The following ANXA2 variants were observed in gnomAD, a reference collection of about 807,000 sequenced individuals.
ANXA2 encodes annexin II.
Under a neutral mutation model 47.3 loss-of-function variants are expected in ANXA2, and 28 were observed. The ratio of observed to expected loss-of-function variants is 0.59; its 90% CI spans 0.44 to 0.81. ANXA2 has a LOEUF of 0.81. ANXA2 is among the 40% of genes least tolerant of loss of function. The probability of loss-of-function intolerance (pLI) is 0.00; values close to 1 mark genes in which losing one functional copy is unlikely to be tolerated. For missense variants in ANXA2, 384 were observed against 414.3 expected, an observed-to-expected ratio of 0.93 and a Z score of 0.64; for synonymous variants, 172 against 155.5, an observed-to-expected ratio of 1.11 and a Z score of -0.79.
intron 3 of ANXA2, among the ~76,000 whole-genome samples, chr15:60,372,646 A>G (rs113958101): frequency 1.6e-3 from 239 of 148,212 alleles, no homozygotes; most frequent in African/African-American, 5.7e-3. Context: ...TGGCTTCACT[A>G]CCCTATAGGA....
intron 1 of ANXA2, chr15:60,390,205 A>T (rs941041965): frequency 3.1e-5 from 29 of 921,310 alleles, no homozygotes; most frequent in Non-Finnish European, 3.7e-5. Context: ...CCACAAAGTC[A>T]CACTTACCAC....
intron 3 of ANXA2, among the ~76,000 whole-genome samples, chr15:60,377,744 C>T (rs938144306): frequency 6.6e-6 from 1 of 152,118 alleles, no homozygotes; most frequent in African/African-American, 2.4e-5. Context: ...CATGAAGTGA[C>T]GTACGTCTGT....
At chr15:60,361,149 T>G in intron 4 of ANXA2, 95 bp from the exon 5 acceptor site, 1 of 854,418 alleles carries the variant, frequency 1.2e-6, no homozygotes, top group East Asian at 2.6e-5. Flanking sequence ...GTGAAGCAGG[T>G]TGTGAGTCTT....
intron 4 of ANXA2, chr15:60,361,541 A>G (rs2062514124): frequency 6.2e-6 from 1 of 161,398 alleles, no homozygotes; most frequent in African/African-American, 2.4e-5. Flanking sequence ...AGTCACCAGA[A>G]GGAACCAGAG....
At chr15:60,376,412 T>C (rs1188152291) in intron 3 of ANXA2, among the ~76,000 whole-genome samples, 8 of 149,446 alleles carry the variant, frequency 5.4e-5, no homozygotes, top group Non-Finnish European at 8.9e-5. Flanking sequence ...CGACGACAGA[T>C]GCCATAACAG....
chr15:60,358,401 C>A (rs1247002468), intron 5 of ANXA2, among the ~76,000 whole-genome samples: 1 of 152,180 alleles, frequency 6.6e-6, no homozygotes, highest in Non-Finnish European at 1.5e-5. Context: ...GAATATGGAA[C>A]TATCACTTTG....
chr15:60,361,294 G>A (rs192174836), intron 4 of ANXA2, among the ~76,000 whole-genome samples: 83 of 152,222 alleles, frequency 5.5e-4, no homozygotes, highest in African/African-American at 2.0e-3. Context: ...CGTCTTCCCC[G>A]GTCAATAAAA....
intron 1 of ANXA2, among the ~76,000 whole-genome samples, chr15:60,388,647 C>G (rs770177043): frequency 5.3e-5 from 8 of 150,090 alleles, no homozygotes; most frequent in Non-Finnish European, 1.2e-4. Context: ...GTTGCCCAGG[C>G]TGGTCTTGAA....
chr15:60,351,934 A>C (rs150507000), intron 9 of ANXA2, 115 bp from the exon 10 acceptor site: 1 of 744,748 alleles, frequency 1.3e-6, no homozygotes, highest in East Asian at 2.6e-5. Flanking sequence ...TGATCACAGC[A>C]TCCTAGGAGC....
chr15:60,365,857 C>CCTCCCG (rs2062588893), intron 3 of ANXA2, among the ~76,000 whole-genome samples: 3 of 128,766 alleles, frequency 2.3e-5, no homozygotes, highest in African/African-American at 6.1e-5. Context: ...TCCCCCTCCC[C>CCTCCCG]CTCCCCCTCC....
intron 5 of ANXA2, among the ~76,000 whole-genome samples, chr15:60,358,976 C>T (rs539315587): frequency 3.9e-5 from 6 of 152,244 alleles, no homozygotes; most frequent in African/African-American, 7.2e-5. Context: ...TTCCAAAGCC[C>T]GGCCCAAACT....
At chr15:60,366,405 A>ATCACATCTAGGAAGTGAGGAGCG (rs2062604016) in intron 3 of ANXA2, among the ~76,000 whole-genome samples, 1 of 147,620 alleles carries the variant, frequency 6.8e-6, no homozygotes, top group Non-Finnish European at 1.5e-5. Flanking sequence ...AGTGAGGAGC[A>ATCACATCTAGGAAGTGAGGAGCG]TCTCTGCGCG....
At chr15:60,362,613 T>G (rs2062532423) in intron 4 of ANXA2, 1 of 152,176 alleles carries the variant, frequency 6.6e-6, no homozygotes, top group African/African-American at 2.4e-5. Flanking sequence ...GCACAAATCT[T>G]CCTTATTTCA....
chr15:60,360,982 G>T lies in ANXA2; in HGVS notation c.316C>A (p.Pro106Thr). The part of the protein sequence containing the change: ...ETVILGLLKT[P>T]AQYDASELKA... The stretch of plus-strand genomic sequence containing the variant: ...AGCTCAGAAGCGTCATACTGAGCAG[G>T]TGTCTTCAATAGGCCCAAAATCACC... The change falls in exon 5 of 13, where the codon CCT (proline) becomes ACT (threonine). Residue 106 changes from proline to threonine, a missense_variant. Pro to Thr is a conservative substitution (Grantham distance 38). Coordinates refer to ENST00000451270, the MANE Select transcript of ANXA2 (RefSeq NM_004039.3). 6.8e-6 allele frequency: 11 copies of T among 1,613,614 alleles called. No homozygotes were observed. The highest frequency in any genetic ancestry group is 1.1e-5 in the South Asian group (1 of 91,064).
chr15:60,358,236 A>G (rs906940339), intron 5 of ANXA2, among the ~76,000 whole-genome samples: 3 of 152,266 alleles, frequency 2.0e-5, no homozygotes, highest in Non-Finnish European at 2.9e-5. Flanking sequence ...TTATTAAGGA[A>G]TAAGAATTTG....
chr15:60,349,311 C>T, intron 11 of ANXA2, 114 bp from the exon 12 acceptor site: 1 of 1,262,406 alleles, frequency 7.9e-7, no homozygotes, highest in Non-Finnish European at 1.1e-6. Flanking sequence ...GCTCCAAAAT[C>T]CAAAACTTTT....
rs745819689 is a variant in ANXA2, at chr15:60,352,504, T to C, written c.589-28A>G. The C allele has an allele frequency of 6.7e-7, 1 of 1,503,632 alleles. No homozygotes were observed. Among genetic ancestry groups the C allele is most frequent in the South Asian group, 1.1e-5 (1 of 87,388 alleles). 93.1% of individuals were successfully genotyped at this position (1,503,632 alleles called of 1,614,324 possible). ...ACGAGTACAACCAACCAGGAAAAGT[T>C]AACTACACATCCAATGTAACGTCAA... On this transcript the variant is annotated intron_variant, in intron 8 of 12. Coordinates refer to ENST00000451270, the MANE Select transcript of ANXA2 (RefSeq NM_004039.3). The surrounding 1 kb of genome is among the most constrained non-coding windows in gnomAD (Gnocchi z 4.2).
intron 3 of ANXA2, among the ~76,000 whole-genome samples, chr15:60,379,453 T>G (rs1173856790): frequency 6.6e-6 from 1 of 151,752 alleles, no homozygotes; most frequent in South Asian, 2.1e-4. Flanking sequence ...TATCTGAAAA[T>G]AATTCAAGGC....
At chr15:60,390,688 A>C (rs1446197818) in intron 1 of ANXA2, 1 of 224,348 alleles carries the variant, frequency 4.5e-6, no homozygotes, top group East Asian at 1.1e-4. Context: ...TCTAAGCATC[A>C]TCTTTTGTTT....
Sources: gnomAD v4.1 joint callset for allele counts (sites outside exome capture counted in the v4.1 genomes callset) on GRCh38, gnomAD v4.1.1 for gene constraint, Gnocchi (gnomAD v3.1) non-coding constraint, MANE v1.5 for transcripts, NCBI Gene and HGNC (gene_info 2026-07-23, HGNC 2026-07-21) for gene names.